NRCAM: variants seen among roughly 807,000 people sequenced by gnomAD.
NRCAM encodes neuronal cell adhesion molecule, also known as NgCAM-related cell adhesion molecule.
NRCAM carries 83 observed loss-of-function variants against 156.5 expected under a neutral mutation model. The ratio of observed to expected loss-of-function variants is 0.53; its 90% CI spans 0.44 to 0.64. NRCAM has a LOEUF of 0.64. Among genes scored for constraint, NRCAM ranks in the 30% least tolerant of loss-of-function variants. NRCAM has a pLI of 0.00. For synonymous variants in NRCAM, 538 were observed against 563.9 expected, an observed-to-expected ratio of 0.95 and a Z score of 0.65; for missense variants, 1,417 against 1,597.3, an observed-to-expected ratio of 0.89 and a Z score of 1.92.
chr7:108,415,160 G>C (rs1187120924), intron 1 of NRCAM, among the ~76,000 whole-genome samples: 1 of 152,220 alleles, frequency 6.6e-6, no homozygotes, highest in Non-Finnish European at 1.5e-5. Context: ...GAAGAAACAA[G>C]GTCTTCTTGG....
At position 108,390,680 on chromosome 7, in the gene NRCAM, G is replaced by T. The variant is rs537774006; in HGVS notation, c.-174+8756C>A. On this transcript the variant is annotated intron_variant, in intron 2 of 32. Transcript: ENST00000379028. ...TTGTGATGTTAGGGTGTCAATTTTA[G>T]ATCTTTCCTGCTTTCCCTTGTGGGC... 2.6e-5 allele frequency among the ~76,000 whole-genome samples: 4 copies of T among 152,198 alleles called. No individual in the cohort carries two copies. The South Asian group carries it at 8.3e-4, about 32-fold the overall frequency.
At chr7:108,371,339 TA>T (rs1403540910) in intron 2 of NRCAM, among the ~76,000 whole-genome samples, 1 of 152,126 alleles carries the variant, frequency 6.6e-6, no homozygotes, top group East Asian at 1.9e-4. Flanking sequence ...TTTGCTGTTT[TA>T]GTTCTTGTTC....
At chr7:108,276,121 T>C (rs1167314699) in intron 3 of NRCAM, among the ~76,000 whole-genome samples, 1 of 152,208 alleles carries the variant, frequency 6.6e-6, no homozygotes, top group African/African-American at 2.4e-5. Context: ...TTTCTTTTCT[T>C]TTACATTTGC....
rs555989109 is a variant in NRCAM, at chr7:108,297,926, AAG to A, written c.-107+14737_-107+14738del. ...AGCGAGCTATGGGGATATGTGCAGG[AAG>A]AGTGTTCCAGACAGAGGGAGCCTCG... On this transcript the variant is annotated intron_variant, in intron 3 of 32. Transcript: ENST00000379028. 9.0e-4 allele frequency among the ~76,000 whole-genome samples: 137 copies of A among 152,292 alleles called. 1 individual carries two copies. The highest frequency in any genetic ancestry group is 3.1e-3 in the African/African-American group (127 of 41,546).
At chr7:108,411,180 A>G (rs1007702068) in intron 1 of NRCAM, among the ~76,000 whole-genome samples, 1 of 152,212 alleles carries the variant, frequency 6.6e-6, no homozygotes, top group Non-Finnish European at 1.5e-5. Flanking sequence ...TGTTATTAAT[A>G]TAGGACTACC....
chr7:108,364,602 C>T (rs2099580370), intron 2 of NRCAM, among the ~76,000 whole-genome samples: 1 of 152,042 alleles, frequency 6.6e-6, no homozygotes, highest in Non-Finnish European at 1.5e-5. Flanking sequence ...GTGAAATCAA[C>T]TCAAATATCC....
intron 3 of NRCAM, among the ~76,000 whole-genome samples, chr7:108,299,909 G>A (rs922601660): frequency 6.6e-6 from 1 of 152,186 alleles, no homozygotes; most frequent in African/African-American, 2.4e-5. Flanking sequence ...CCTGAGTGAT[G>A]TAATTAACAC....
chr7:108,204,045 G>T (rs1268240939), intron 13 of NRCAM, among the ~76,000 whole-genome samples: 3 of 152,174 alleles, frequency 2.0e-5, no homozygotes, highest in Non-Finnish European at 4.4e-5. Flanking sequence ...TGCTAGATGT[G>T]GGGTGCACAA....
In NRCAM at chr7:108,282,003, C is replaced by G. The variant is rs970288599; in HGVS notation, c.-107+30662G>C. Among the ~76,000 whole-genome samples, 50 of 152,220 alleles carry G rather than the reference C, an allele frequency of 3.3e-4. 3 individuals carry two copies. On this transcript the variant is annotated intron_variant, in intron 3 of 32. Coordinates refer to ENST00000379028, the MANE Select transcript of NRCAM (RefSeq NM_001037132.4). Reference sequence around the variant, plus strand: ...ATTAAAGTTGTTATGTCATTGCCCCCTGTGAGTCCTGTCTGACATAACAGT... The same window carrying G: ...ATTAAAGTTGTTATGTCATTGCCCCGTGTGAGTCCTGTCTGACATAACAGT...
At chr7:108,429,395 T>C (rs1821898200) in intron 1 of NRCAM, among the ~76,000 whole-genome samples, 1 of 152,182 alleles carries the variant, frequency 6.6e-6, no homozygotes, top group Non-Finnish European at 1.5e-5. Context: ...CTTTACAATA[T>C]TGGCCAGGCT....
intron 14 of NRCAM, among the ~76,000 whole-genome samples, 170 bp downstream of exon 14, chr7:108,197,786 T>C (rs1050009140): frequency 6.6e-6 from 1 of 152,204 alleles, no homozygotes; most frequent in Admixed American, 6.5e-5. Flanking sequence ...TGGAAGAACA[T>C]TAAGACTGCC....
At chr7:108,179,595 T>G (rs552337916) in intron 25 of NRCAM, among the ~76,000 whole-genome samples, 1 of 152,208 alleles carries the variant, frequency 6.6e-6, no homozygotes, top group Non-Finnish European at 1.5e-5. Flanking sequence ...CCCTTGTCCC[T>G]GTGTCCAAAT....
chr7:108,270,924 A>T (rs1453912395), intron 3 of NRCAM, among the ~76,000 whole-genome samples: 3 of 152,216 alleles, frequency 2.0e-5, no homozygotes, highest in Non-Finnish European at 2.9e-5. Flanking sequence ...GCTGGGGAAG[A>T]GGAAAAGTTC....
At chr7:108,188,552 T>C (rs2068799282) in intron 20 of NRCAM, among the ~76,000 whole-genome samples, 1 of 151,852 alleles carries the variant, frequency 6.6e-6, no homozygotes, top group Non-Finnish European at 1.5e-5. Context: ...TGGCACACAG[T>C]AGGCACTCAA....
chr7:108,191,657 A>C, intron 18 of NRCAM, 72 bp downstream of exon 18: 1 of 1,474,380 alleles, frequency 6.8e-7, no homozygotes, highest in Non-Finnish European at 9.1e-7. Context: ...GATATTTATA[A>C]TTTTTATCTT....
chr7:108,354,624 G>A (rs1003004262), intron 2 of NRCAM, among the ~76,000 whole-genome samples: 2 of 152,208 alleles, frequency 1.3e-5, no homozygotes, highest in Non-Finnish European at 2.9e-5. Flanking sequence ...GCTGGGCGTG[G>A]TGGCTCATGC....
intron 1 of NRCAM, among the ~76,000 whole-genome samples, chr7:108,432,854 C>G (rs1485792171): frequency 6.6e-6 from 1 of 151,602 alleles, no homozygotes; most frequent in Non-Finnish European, 1.5e-5. Context: ...GTAAGCACCA[C>G]TGCACTCCAG....
rs1331598243 is a variant in NRCAM, at chr7:108,149,970, A to T, written c.3855T>A (p.Ala1285=). The T allele has an allele frequency of 6.2e-7, 1 of 1,613,996 alleles. No individual in the cohort carries two copies. Among genetic ancestry groups the T allele is most frequent in the Non-Finnish European group, 8.5e-7 (1 of 1,179,930 alleles). ...GTGCCTCTGAGCTTTCGTTTCCTTC[A>T]GCCGGCTCTTTCTCTTTCTTACCAC... is the stretch of plus-strand genomic sequence containing the variant. ...QYSGKKEKEP[A]EGNESSEAPS... The change falls in exon 33 of 33, where the codon GCT becomes GCA. Residue 1285 remains alanine, a synonymous_variant. Transcript: ENST00000379028.
chr7:108,233,081 A>C (rs911637590), intron 6 of NRCAM, among the ~76,000 whole-genome samples: 1 of 152,166 alleles, frequency 6.6e-6, no homozygotes, highest in Non-Finnish European at 1.5e-5. Flanking sequence ...TACATAAAAC[A>C]TTTTGGGAAT....
Sources: gnomAD v4.1 joint callset for allele counts (sites outside exome capture counted in the v4.1 genomes callset) on GRCh38, gnomAD v4.1.1 for gene constraint, MANE v1.5 for transcripts, NCBI Gene and HGNC (gene_info 2026-07-23, HGNC 2026-07-21) for gene names.